Variants in ZNF843 observed in about 807,000 individuals in gnomAD.
The protein encoded by ZNF843 is zinc finger protein 843.
For missense variants in ZNF843, 482 were observed against 469.4 expected (o/e 1.03, Z -0.25); for synonymous variants, 185 against 207.7 (o/e 0.89, Z 0.94).
In ZNF843 at chr16:31,436,742, C is replaced by G. The variant is rs527711312; in HGVS notation, c.108G>C (p.Lys36Asn). ...TCTGAGTAAAACCCCTCCCGCAGGC[C>G]TTGCACTTGCAGGGCTGACGGCCCT... ...FTQGRQPCKC[K>N]ACGRGFTQSA... The change falls in exon 2 of 2, where the codon AAG becomes AAC. Residue 36 changes from lysine (K) to asparagine (N), a missense_variant. Coordinates refer to ENST00000315678, the MANE Select transcript of ZNF843 (RefSeq NM_001136509.3). The G allele has an allele frequency of 6.4e-7, 1 of 1,551,768 alleles. No homozygotes were observed. The highest frequency in any genetic ancestry group is 1.4e-5 in the African/African-American group (1 of 73,194).
Position 31,436,053 on chromosome 16 carries a change from GC to G in ZNF843, c.796del (p.Ala266ArgfsTer149). The G allele has an allele frequency of 6.5e-7, 1 of 1,543,586 alleles. No homozygotes were observed. The highest frequency in any genetic ancestry group is 8.7e-7 in the Non-Finnish European group (1 of 1,143,506). Reference sequence around the variant, plus strand: ...GCTCGCACAGCTTCTGGGCCCCATCGCCCCCTCCTGCTGAGCTGCCGGCTGG... The same window carrying G: ...GCTCGCACAGCTTCTGGGCCCCATCGCCCCTCCTGCTGAGCTGCCGGCTGG... ...ATQPAAQQEGAMGPRSCASAG... is the reference protein window; with the variant it reads ...ATQPAAQQEGXMGPRSCASAG... On this transcript the variant is annotated frameshift_variant, in exon 2 of 2. Transcript: ENST00000315678. LOFTEE classifies it low-confidence loss of function (END_TRUNC).
intron 1 of ZNF843, among the ~76,000 whole-genome samples, chr16:31,439,282 C>T (rs1297520106): frequency 1.3e-5 from 2 of 152,170 alleles, no homozygotes; most frequent in Non-Finnish European, 2.9e-5. Context: ...GATATGGAGT[C>T]TCACACATTG....
chr16:31,437,083 GT>G lies in ZNF843; in HGVS notation c.-235del. 2 of 515,378 alleles carry G rather than the reference GT, an allele frequency of 3.9e-6. No individual in the cohort carries two copies. The highest frequency in any genetic ancestry group is 6.1e-5 in the South Asian group (2 of 32,812). 31.9% of individuals were successfully genotyped at this position (515,378 alleles called of 1,614,324 possible). ...GAGGCTCTCGGGCATGTCCCTGGGT[GT>G]TCCCCATCACTAAGTCCATCCTCTT... is the stretch of plus-strand genomic sequence containing the variant. On this transcript the variant is annotated 5_prime_UTR_variant, in exon 2 of 2. An upstream open reading frame in the 5' UTR loses its in-frame stop. Transcript: ENST00000315678.
Position 31,435,991 on chromosome 16 carries a change from C to T in ZNF843, c.859G>A (p.Gly287Ser), listed in dbSNP as rs970661856. Residue 287 changes from glycine (G) to serine (S), a missense_variant, in exon 2 of 2, where the codon GGC becomes AGC. Physicochemically the swap from Gly to Ser is moderately conservative, Grantham distance 56 (BLOSUM62 0). Transcript: ENST00000315678. ...RDSREAVQAP[G>S]YPEPARKASQ... ...GCCTTCCGGGCTGGCTCAGGGTAGC[C>T]TGGGGCCTGAACCGCCTCCCGCGAG... 5 of 1,524,328 alleles carry T rather than the reference C, an allele frequency of 3.3e-6. No individual in the cohort carries two copies. In the African/African-American group the frequency reaches 6.9e-5, roughly 21 times the overall value. The allele number at this position is 1,524,328 out of a possible 1,614,324, so 94.4% of individuals were successfully genotyped here.
Position 31,436,885 on chromosome 16 carries a change from C to T in ZNF843, c.-36G>A. 2.0e-6 allele frequency: 3 copies of T among 1,482,282 alleles called. No homozygotes were observed. The highest frequency in any genetic ancestry group is 2.7e-6 in the Non-Finnish European group (3 of 1,110,668). 91.8% of individuals were successfully genotyped at this position (1,482,282 alleles called of 1,614,324 possible). On this transcript the variant is annotated 5_prime_UTR_variant, in exon 2 of 2. Coordinates refer to ENST00000315678, the MANE Select transcript of ZNF843 (RefSeq NM_001136509.3). ...TCGGAGATGACCGCTCAGGGAGTAACTGTACGGGAGGCTTTGCCGCACTTG... is the reference window on the plus strand; with the variant it reads ...TCGGAGATGACCGCTCAGGGAGTAATTGTACGGGAGGCTTTGCCGCACTTG...
intron 1 of ZNF843, among the ~76,000 whole-genome samples, chr16:31,442,266 G>C (rs1207290319): frequency 6.6e-6 from 1 of 152,246 alleles, no homozygotes; most frequent in Non-Finnish European, 1.5e-5. Context: ...TGTTCAGGTG[G>C]AGGCGGTGGG....
In ZNF843 at chr16:31,436,994, C is replaced by T; in HGVS notation, c.-145G>A. On this transcript the variant is annotated 5_prime_UTR_variant, in exon 2 of 2. Coordinates refer to ENST00000315678, the MANE Select transcript of ZNF843 (RefSeq NM_001136509.3). ...GGGAGCAGCACCCGGCCCCAGGCCT[C>T]GGGGGCTGTCTGGAGAGTTCTCTAA... The T allele has an allele frequency of 2.8e-6, 2 of 723,058 alleles. No homozygotes were observed. Among genetic ancestry groups the T allele is most frequent in the Non-Finnish European group, 4.6e-6 (2 of 438,274 alleles). 44.8% of individuals were successfully genotyped at this position (723,058 alleles called of 1,614,324 possible). A position where few individuals can be genotyped will look rare whatever the true frequency, so the allele number is the denominator to read the frequency against.
At position 31,435,642 on chromosome 16, in the gene ZNF843, A is replaced by G. The variant is rs770116806; in HGVS notation, c.*161T>C. 4.0e-5 allele frequency: 27 copies of G among 674,314 alleles called. No individual in the cohort carries two copies. The highest frequency in any genetic ancestry group is 6.4e-5 in the East Asian group (2 of 31,308). The allele number at this position is 674,314 out of a possible 1,614,324, so 41.8% of individuals were successfully genotyped here. ...AGGGAAAGGAGCGAGAATTCAGGGG[A>G]AAAAAAACAAACAAAATAGCCCCCA... On this transcript the variant is annotated 3_prime_UTR_variant, in exon 2 of 2. Transcript: ENST00000315678.
rs2082179551 is a variant in ZNF843 at position 31,436,150 on chromosome 16, G to C, written c.700C>G (p.Pro234Ala). Reference sequence around the variant, plus strand: ...GCAGGCACTGCGGGAAGGCCGGATGGAACCAGAGGCTGGAGACTGAGTGGG... The same window carrying C: ...GCAGGCACTGCGGGAAGGCCGGATGCAACCAGAGGCTGGAGACTGAGTGGG... The part of the protein sequence containing the change: ...GPPLSLQPLV[P>A]SGLPAVPAVP... The change falls in exon 2 of 2, where the codon CCA becomes GCA. Residue 234 changes from proline (P) to alanine (A), a missense_variant. Physicochemically the swap from Pro to Ala is conservative, Grantham distance 27. Transcript: ENST00000315678. The C allele has an allele frequency of 2.2e-5, 34 of 1,545,970 alleles. No individual in the cohort carries two copies. Among genetic ancestry groups the C allele is most frequent in the Non-Finnish European group, 2.8e-5 (32 of 1,144,086 alleles).
At position 31,436,923 on chromosome 16, in the gene ZNF843, G is replaced by A; in HGVS notation, c.-74C>T. 5.1e-6 allele frequency: 7 copies of A among 1,378,524 alleles called. No homozygotes were observed. The highest frequency in any genetic ancestry group is 4.8e-6 in the Non-Finnish European group (5 of 1,030,986). The allele number at this position is 1,378,524 out of a possible 1,614,324, so 85.4% of individuals were successfully genotyped here. ...TTTGCCGCACTTGGCGCAGCTGTGG[G>A]GCCTCTGCCGCACTCAGGCTTCCCG... On this transcript the variant is annotated 5_prime_UTR_variant, in exon 2 of 2. Transcript: ENST00000315678.
In ZNF843 at chr16:31,436,440, T is replaced by C. The variant is rs371415381; in HGVS notation, c.410A>G (p.Asn137Ser). The part of the protein sequence containing the change: ...GPVEADRPPA[N>S]SHRRVCPFCC... ...GAAGGGACACACTCTCCTGTGTGAA[T>C]TCGCTGGTGGCCGATCAGCTTCCAC... The change falls in exon 2 of 2, where the codon AAT (asparagine) becomes AGT (serine). Residue 137 changes from asparagine to serine, a missense_variant. By Grantham distance (46) the Asn-to-Ser change is conservative. Coordinates refer to ENST00000315678, the MANE Select transcript of ZNF843 (RefSeq NM_001136509.3). 10 of 1,551,552 alleles carry C rather than the reference T, an allele frequency of 6.4e-6. No homozygotes were observed. The highest frequency in any genetic ancestry group is 7.0e-6 in the Non-Finnish European group (8 of 1,146,980).
At chr16:31,442,370 G>GAGTGC (rs2082204462) in intron 1 of ZNF843, among the ~76,000 whole-genome samples, 1 of 152,188 alleles carries the variant, frequency 6.6e-6, no homozygotes, top group Non-Finnish European at 1.5e-5. Flanking sequence ...CCCCAGGCTG[G>GAGTGC]AGTGCAGTGG....
chr16:31,441,893 C>G (rs2082202309), intron 1 of ZNF843, among the ~76,000 whole-genome samples: 1 of 152,228 alleles, frequency 6.6e-6, no homozygotes, highest in Non-Finnish European at 1.5e-5. Context: ...ACCAAACCCT[C>G]TCAGCTTAAG....
intron 1 of ZNF843, among the ~76,000 whole-genome samples, chr16:31,440,116 T>A (rs1192094552): frequency 6.6e-6 from 1 of 152,160 alleles, no homozygotes; most frequent in Admixed American, 6.6e-5. Context: ...TACTAACGAT[T>A]ACCCCATTTT....
Position 31,436,279 on chromosome 16 carries a change from C to A in ZNF843, c.571G>T (p.Asp191Tyr), listed in dbSNP as rs1196401814. The change falls in exon 2 of 2, where the codon GAC (aspartate) becomes TAC (tyrosine). Residue 191 changes from aspartate to tyrosine, a missense_variant. Physicochemically the swap from Asp to Tyr is radical, Grantham distance 160 (BLOSUM62 -3). Transcript: ENST00000315678. ...CAGGGCCGGAGCCCAGAGGTGCTGT[C>A]CGGGGCGACTGAGCTGGGTGCGAGG... is the stretch of plus-strand genomic sequence containing the variant. ...VSLAPSSVAP[D>Y]STSGLRPCGS... The A allele has an allele frequency of 1.9e-6, 3 of 1,549,058 alleles. No individual in the cohort carries two copies. Among genetic ancestry groups the A allele is most frequent in the Non-Finnish European group, 2.6e-6 (3 of 1,145,634 alleles).
At chr16:31,439,806 T>C (rs1161893853) in intron 1 of ZNF843, among the ~76,000 whole-genome samples, 1 of 152,198 alleles carries the variant, frequency 6.6e-6, no homozygotes, top group African/African-American at 2.4e-5. Flanking sequence ...AATGTGATGA[T>C]GGTTATGCCC....
chr16:31,440,189 A>C (rs922993086), intron 1 of ZNF843, among the ~76,000 whole-genome samples: 5 of 152,224 alleles, frequency 3.3e-5, no homozygotes, highest in Non-Finnish European at 7.3e-5. Flanking sequence ...TATACGGTAA[A>C]AAAATTTTTG....
chr16:31,436,799 A>C lies in ZNF843; in HGVS notation c.51T>G (p.Ala17=). Residue 17 remains alanine (A), a synonymous_variant, in exon 2 of 2, where the codon GCT becomes GCG. Coordinates refer to ENST00000315678, the MANE Select transcript of ZNF843 (RefSeq NM_001136509.3). Reference sequence around the variant, plus strand: ...ATCTGCCGGTGCTGCAGCAGGTAGGAGCTCTGGCTGAAACGCTTTCCACAG... The same window carrying C: ...ATCTGCCGGTGCTGCAGCAGGTAGGCGCTCTGGCTGAAACGCTTTCCACAG... The part of the protein sequence containing the change: ...ALTVESVSAR[A]PTCCSTGRFT... 2 of 1,551,338 alleles carry C rather than the reference A, an allele frequency of 1.3e-6. No homozygotes were observed. The highest frequency in any genetic ancestry group is 1.2e-5 in the South Asian group (1 of 83,988).
chr16:31,436,970 G>A lies in ZNF843; in HGVS notation c.-121C>T, dbSNP rs2082185047. On this transcript the variant is annotated 5_prime_UTR_variant, in exon 2 of 2. Transcript: ENST00000315678. ...CCCGTGGCCACGAGCTCACAGTCTG[G>A]GAGCAGCACCCGGCCCCAGGCCTCG... The A allele has an allele frequency of 7.3e-6, 7 of 964,800 alleles. No individual in the cohort carries two copies. Among genetic ancestry groups the A allele is most frequent in the Non-Finnish European group, 1.1e-5 (7 of 657,928 alleles). The allele number at this position is 964,800 out of a possible 1,614,324, so 59.8% of individuals were successfully genotyped here.
Sources: allele counts gnomAD v4.1 joint callset (sites outside exome capture counted in the v4.1 genomes callset), GRCh38; gene constraint gnomAD v4.1.1; transcripts MANE v1.5; gene names NCBI Gene and HGNC (gene_info 2026-07-23, HGNC 2026-07-21).